The following DNAH11 variants were observed in gnomAD, a reference collection of about 807,000 sequenced individuals.
DNAH11 encodes axonemal beta dynein heavy chain 11.
Under a neutral mutation model 526.0 loss-of-function variants are expected in DNAH11, and 442 were observed. That is an observed-to-expected ratio of 0.84 (90% CI 0.78 to 0.91). The LOEUF (loss-of-function observed/expected upper bound fraction) is 0.91. Among genes scored for constraint, DNAH11 ranks in the 40% least tolerant of loss-of-function variants. The pLI is 0.00. For missense variants in DNAH11, 6,989 were observed against 5,448.7 expected (o/e 1.28, Z -8.90); for synonymous variants, 2,461 against 1,935.9 (o/e 1.27, Z -7.12).
chr7:21,672,654 C>G (rs894468199), intron 30 of DNAH11, among the ~76,000 whole-genome samples: 1 of 152,196 alleles, frequency 6.6e-6, no homozygotes, highest in African/African-American at 2.4e-5. Flanking sequence ...TGGGTGTCCC[C>G]ATATTGGGAG....
chr7:21,889,653 G>C (rs1043542737), intron 76 of DNAH11, among the ~76,000 whole-genome samples: 1 of 152,164 alleles, frequency 6.6e-6, no homozygotes, highest in Non-Finnish European at 1.5e-5. Context: ...GACTAACAAT[G>C]TTGAACATCC....
At chr7:21,561,872 CTT>C (rs1186834819) in intron 5 of DNAH11, among the ~76,000 whole-genome samples, 2 of 152,090 alleles carry the variant, frequency 1.3e-5, no homozygotes, top group East Asian at 1.9e-4. Flanking sequence ...GGACAAGTAA[CTT>C]TTTTTGTTTC....
At position 21,880,892 on chromosome 7, in the gene DNAH11, A is replaced by C. The variant is rs146967144; in HGVS notation, c.12386A>C (p.Lys4129Thr). Residue 4129 changes from lysine to threonine, a missense_variant and splice_region_variant, in exon 75 of 82, where the codon AAA becomes ACA. Lys to Thr is a moderately conservative substitution (Grantham distance 78). Coordinates refer to ENST00000409508, the MANE Select transcript of DNAH11 (RefSeq NM_001277115.2). ...VLYNYLEANS[K>T]VPWEDLRYLF... ...TACAACTACTTAGAGGCAAACTCTA[A>C]AGTAAGTGCTAGTGGTCAAATAACC... is the stretch of plus-strand genomic sequence containing the variant. The C allele has an allele frequency of 1.3e-6, 2 of 1,599,080 alleles. No individual in the cohort carries two copies. Among genetic ancestry groups the C allele is most frequent in the African/African-American group, 1.4e-5 (1 of 74,008 alleles).
At chr7:21,854,845 A>G (rs1042634347) in intron 68 of DNAH11, among the ~76,000 whole-genome samples, 1 of 151,730 alleles carries the variant, frequency 6.6e-6, no homozygotes, top group Admixed American at 6.6e-5. Flanking sequence ...GCACAGCCAG[A>G]ATGTATTTTT....
intron 8 of DNAH11, 24 bp downstream of exon 8, chr7:21,571,997 C>A (rs1457825853): frequency 6.8e-7 from 1 of 1,479,838 alleles, no homozygotes; most frequent in Non-Finnish European, 9.0e-7. Flanking sequence ...TTTGCATTTT[C>A]ATTGCATGGG....
At chr7:21,820,231 C>G (rs1789997243) in intron 65 of DNAH11, among the ~76,000 whole-genome samples, 1 of 152,134 alleles carries the variant, frequency 6.6e-6, no homozygotes, top group Admixed American at 6.6e-5. Context: ...CTGGGGGCTG[C>G]AGATTTAGTG....
intron 77 of DNAH11, 47 bp downstream of exon 77, chr7:21,892,714 C>T: frequency 6.6e-7 from 1 of 1,520,110 alleles, no homozygotes. Flanking sequence ...GTATAACTTA[C>T]TTGTACTGAA....
chr7:21,789,406 TC>T, intron 61 of DNAH11, 64 bp downstream of exon 61: 1 of 1,097,578 alleles, frequency 9.1e-7, no homozygotes, highest in South Asian at 1.5e-5. Flanking sequence ...ACCTTAGGAT[TC>T]CACCCTCAGA....
chr7:21,611,791 A>G (rs941626128), intron 20 of DNAH11, among the ~76,000 whole-genome samples: 4 of 152,206 alleles, frequency 2.6e-5, no homozygotes, highest in African/African-American at 7.2e-5. Context: ...TTCTCTCTCA[A>G]TAATAGTGAA....
intron 32 of DNAH11, among the ~76,000 whole-genome samples, chr7:21,684,800 A>C (rs1238361050): frequency 1.3e-5 from 2 of 152,226 alleles, no homozygotes; most frequent in Admixed American, 1.3e-4. Context: ...TATTGCGGAG[A>C]TAAGAATATG....
chr7:21,724,935 G>A (rs12536221), intron 44 of DNAH11, among the ~76,000 whole-genome samples: 9 of 53,206 alleles, frequency 1.7e-4, no homozygotes, highest in East Asian at 1.6e-3. Flanking sequence ...ATCATCCTGT[G>A]GACATGGGCA....
At chr7:21,637,748 G>A (rs1467961797) in intron 27 of DNAH11, 46 bp downstream of exon 27, 3 of 1,263,144 alleles carry the variant, frequency 2.4e-6, no homozygotes, top group Non-Finnish European at 2.2e-6. Context: ...GTAATTTTAT[G>A]AAGTCTTTTT....
intron 14 of DNAH11, among the ~76,000 whole-genome samples, chr7:21,598,586 A>AAAATAAATAAAT (rs57037889): frequency 1.3e-3 from 193 of 148,836 alleles, no homozygotes; most frequent in Middle Eastern, 7.0e-3. Flanking sequence ...ATGGTATGCA[A>AAAATAAATAAAT]AAATAAATAA....
At position 21,855,070 on chromosome 7, in the gene DNAH11, C is replaced by T. The variant is rs761931835; in HGVS notation, c.11202+615C>T. Reference sequence around the variant, plus strand: ...TTTTTGGGATGGAGTCTCCCTCTGTCGCCCACGCTGGAGTGCAGTGGCGCG... The same window carrying T: ...TTTTTGGGATGGAGTCTCCCTCTGTTGCCCACGCTGGAGTGCAGTGGCGCG... On this transcript the variant is annotated intron_variant, in intron 68 of 81. Coordinates refer to ENST00000409508, the MANE Select transcript of DNAH11 (RefSeq NM_001277115.2). 2.9e-3 allele frequency among the ~76,000 whole-genome samples: 399 copies of T among 136,224 alleles called. 1 individual carries two copies. The highest frequency in any genetic ancestry group is 6.4e-3 in the African/African-American group (220 of 34,436). The allele number at this position is 136,224 out of a possible 152,430, so 89.4% of individuals were successfully genotyped here. A position where few individuals can be genotyped will look rare whatever the true frequency, so the allele number is the denominator to read the frequency against.
In DNAH11 at chr7:21,786,785, CA is replaced by C; in HGVS notation, c.9741+20del. 6.2e-7 allele frequency: 1 copy of C among 1,612,926 alleles called. No homozygotes were observed. The highest frequency in any genetic ancestry group is 1.1e-5 in the South Asian group (1 of 90,936). ...TGGGAAAGGTATCAGCCCAGCCTGG[CA>C]AGATGAAAATCCTGATAATTTCCAT... On this transcript the variant is annotated intron_variant, in intron 59 of 81. Transcript: ENST00000409508.
chr7:21,710,725 A>T, intron 41 of DNAH11, 22 bp downstream of exon 41: 1 of 1,597,538 alleles, frequency 6.3e-7, no homozygotes, highest in East Asian at 2.3e-5. Context: ...CTCTGTTCTC[A>T]ACCTTAAATA....
intron 8 of DNAH11, among the ~76,000 whole-genome samples, chr7:21,573,947 A>G (rs77188390): frequency 6.6e-6 from 1 of 152,158 alleles, no homozygotes; most frequent in Non-Finnish European, 1.5e-5. Context: ...CTTCTCATCA[A>G]TCTCATGCCT....
At chr7:21,794,077 C>A (rs113925219) in intron 61 of DNAH11, among the ~76,000 whole-genome samples, 1 of 152,174 alleles carries the variant, frequency 6.6e-6, no homozygotes, top group Non-Finnish European at 1.5e-5. Flanking sequence ...CTTCAGCAAA[C>A]GTATTTCTCA....
intron 44 of DNAH11, among the ~76,000 whole-genome samples, chr7:21,722,752 A>G (rs1256048968): frequency 1.3e-5 from 2 of 152,194 alleles, no homozygotes; most frequent in African/African-American, 2.4e-5. Flanking sequence ...GGTTTACAAC[A>G]TGTGTGGGTT....
Sources: allele counts gnomAD v4.1 joint callset (sites outside exome capture counted in the v4.1 genomes callset), GRCh38; gene constraint gnomAD v4.1.1; transcripts MANE v1.5; gene names NCBI Gene and HGNC (gene_info 2026-07-23, HGNC 2026-07-21).